The following GTF3C1 variants were observed in gnomAD, a reference collection of about 807,000 sequenced individuals.
GTF3C1 encodes general transcription factor IIIC subunit 1.
In GTF3C1, 57 loss-of-function variants were observed where a neutral mutation model predicts 226.7. That is an observed-to-expected ratio of 0.25 (90% confidence interval 0.20 to 0.31). GTF3C1 has a LOEUF of 0.31. GTF3C1 is among the 10% of genes least tolerant of loss of function. The pLI, the probability that GTF3C1 is intolerant of heterozygous loss-of-function variation, is 1.00. For synonymous variants in GTF3C1, 1,090 were observed against 1,084.8 expected (o/e 1.00, Z -0.09); for missense variants, 2,217 against 2,776.1 (o/e 0.80, Z 4.53).
chr16:27,505,201 C>T (rs1471828813), intron 10 of GTF3C1, among the ~76,000 whole-genome samples: 4 of 152,240 alleles, frequency 2.6e-5, no homozygotes, highest in African/African-American at 9.6e-5. Context: ...ACTGGTTTGA[C>T]TTCACTGTGT....
rs1369107267 is a variant in GTF3C1 at position 27,508,623 on chromosome 16, C to T, written c.1159G>A (p.Ala387Thr). 4 of 1,614,084 alleles carry T rather than the reference C, an allele frequency of 2.5e-6. No homozygotes were observed. Among genetic ancestry groups the T allele is most frequent in the Non-Finnish European group, 3.4e-6 (4 of 1,180,006 alleles). Residue 387 changes from alanine to threonine, a missense_variant, in exon 8 of 37, where the codon GCT (alanine) becomes ACT (threonine). Coordinates refer to ENST00000356183, the MANE Select transcript of GTF3C1 (RefSeq NM_001520.4). ...ACATTCATAGCCACTCGGATTTCAG[C>T]TTGGGAAATTCCTTTCGTGCCTCTG... is the stretch of plus-strand genomic sequence containing the variant. ...ERRGTKGISQ[A>T]EIRVAMNVGK...
At position 27,463,786 on chromosome 16, in the gene GTF3C1, C is replaced by T. The variant is rs1052904668; in HGVS notation, c.5873-194G>A. On this transcript the variant is annotated intron_variant, in intron 34 of 36. Coordinates refer to ENST00000356183, the MANE Select transcript of GTF3C1 (RefSeq NM_001520.4). This position sits in a 1 kb window ranked among gnomAD's most constrained non-coding sequence, Gnocchi z 4.9. ...TGGCAGGGCCGGGCAGACTGCCGCA[C>T]ACAGCGCCACATGCAAGCAGCGTCC... 1 of 616,642 alleles carries T rather than the reference C, an allele frequency of 1.6e-6. No homozygotes were observed. The highest frequency in any genetic ancestry group is 1.9e-5 in the South Asian group (1 of 53,064). The allele number at this position is 616,642 out of a possible 1,614,324, so 38.2% of individuals were successfully genotyped here.
Position 27,463,272 on chromosome 16 carries a change from C to T in GTF3C1, c.5924+269G>A. 1 of 499,676 alleles carries T rather than the reference C, an allele frequency of 2.0e-6. No individual in the cohort carries two copies. Among genetic ancestry groups the T allele is most frequent in the Non-Finnish European group, 3.5e-6 (1 of 283,618 alleles). 31.0% of individuals were successfully genotyped at this position (499,676 alleles called of 1,614,324 possible). On this transcript the variant is annotated intron_variant, in intron 35 of 36. Coordinates refer to ENST00000356183, the MANE Select transcript of GTF3C1 (RefSeq NM_001520.4). This position sits in a 1 kb window ranked among gnomAD's most constrained non-coding sequence, Gnocchi z 4.9. ...TGAGGAGCCAGTGAAGCACAGCTGA[C>T]AGCACCAGGCATGGTTCTCCACCAG...
intron 3 of GTF3C1, 81 bp from the exon 4 acceptor site, chr16:27,538,008 C>T: frequency 6.8e-7 from 1 of 1,471,250 alleles, no homozygotes; most frequent in Non-Finnish European, 9.3e-7. Flanking sequence ...GACATAAACA[C>T]CAGAGACACA....
intron 6 of GTF3C1, among the ~76,000 whole-genome samples, chr16:27,520,247 T>C (rs987824699): frequency 6.6e-6 from 1 of 152,160 alleles, no homozygotes; most frequent in Non-Finnish European, 1.5e-5. Context: ...CCTGAGTAGC[T>C]GGGATTACAG....
chr16:27,483,812 T>G (rs1396540436), intron 25 of GTF3C1, among the ~76,000 whole-genome samples: 1 of 152,178 alleles, frequency 6.6e-6, no homozygotes, highest in Admixed American at 6.5e-5. Flanking sequence ...CCTAGCTTGC[T>G]GCTGGAGGGA....
rs776399746 is a variant in GTF3C1, at chr16:27,501,393, G to A, written c.1908-49C>T. 6 of 1,567,690 alleles carry A rather than the reference G, an allele frequency of 3.8e-6. No homozygotes were observed. In the Middle Eastern group the frequency reaches 1.0e-3, roughly 263 times the overall value. On this transcript the variant is annotated intron_variant, in intron 11 of 36. Coordinates refer to ENST00000356183, the MANE Select transcript of GTF3C1 (RefSeq NM_001520.4). Reference sequence around the variant, plus strand: ...TAACACTCCCAATCTCAACATGGAAGGCCTTCCTCAACCCAGGCAACACAG... The same window carrying A: ...TAACACTCCCAATCTCAACATGGAAAGCCTTCCTCAACCCAGGCAACACAG...
chr16:27,485,260 A>G (rs1567392086), intron 24 of GTF3C1, among the ~76,000 whole-genome samples: 1 of 152,202 alleles, frequency 6.6e-6, no homozygotes, highest in East Asian at 1.9e-4. Context: ...CCGGAGGCAC[A>G]CCCGGGCTCC....
chr16:27,530,201 T>C (rs1261361886), intron 5 of GTF3C1, among the ~76,000 whole-genome samples: 1 of 152,174 alleles, frequency 6.6e-6, no homozygotes, highest in Non-Finnish European at 1.5e-5. Context: ...TAACCAGCAC[T>C]CCAGCCCTTG....
intron 7 of GTF3C1, among the ~76,000 whole-genome samples, chr16:27,510,657 G>T (rs2088559105): frequency 6.6e-6 from 1 of 152,202 alleles, no homozygotes; most frequent in African/African-American, 2.4e-5. Context: ...CCTCCAGAAA[G>T]GTTGGGCCGA....
At position 27,528,593 on chromosome 16, in the gene GTF3C1, A is replaced by G; in HGVS notation, c.973+5T>C. 1.2e-6 allele frequency: 2 copies of G among 1,611,106 alleles called. No individual in the cohort carries two copies. Among genetic ancestry groups the G allele is most frequent in the Non-Finnish European group, 1.7e-6 (2 of 1,177,488 alleles). ...AAGGGAACAGAAGCTGAGACTCTGC[A>G]TTACCTTTCTTTGTCTTACAAGGTC... On this transcript the variant is annotated splice_donor_5th_base_variant and intron_variant, in intron 6 of 36. Transcript: ENST00000356183.
intron 1 of GTF3C1, among the ~76,000 whole-genome samples, chr16:27,546,081 CGG>C (rs1438362787): frequency 6.6e-6 from 1 of 152,078 alleles, no homozygotes; most frequent in Non-Finnish European, 1.5e-5. Context: ...CTCCTGACCT[CGG>C]TGATCCACCC....
rs746242489 is a variant in GTF3C1, at chr16:27,489,776, G to A, written c.3152-33C>T. 8.3e-5 allele frequency: 132 copies of A among 1,598,120 alleles called. No homozygotes were observed. The South Asian group carries it at 9.4e-4, about 11-fold the overall frequency. ...ACCAAACATCAGGGTGACCAATCAC[G>A]CCTTCCTGCTGCAGCTCTGGTGGCT... On this transcript the variant is annotated intron_variant, in intron 19 of 36. Coordinates refer to ENST00000356183, the MANE Select transcript of GTF3C1 (RefSeq NM_001520.4).
At chr16:27,472,077 TGTGA>T (rs748785592) in intron 29 of GTF3C1, among the ~76,000 whole-genome samples, 157 bp from the exon 30 acceptor site, 40 of 152,044 alleles carry the variant, frequency 2.6e-4, no homozygotes, top group Admixed American at 5.9e-4. Context: ...TGAGTGTGTG[TGTGA>T]GTGTGTGTAT....
chr16:27,536,598 G>T (rs1013944520), intron 4 of GTF3C1, among the ~76,000 whole-genome samples: 5 of 152,150 alleles, frequency 3.3e-5, no homozygotes, highest in African/African-American at 1.2e-4. Flanking sequence ...AAGAGTCTAC[G>T]CACATGTGTC....
chr16:27,486,321 GC>G (rs2088137716), intron 23 of GTF3C1, among the ~76,000 whole-genome samples, 167 bp from the exon 24 acceptor site: 2 of 152,160 alleles, frequency 1.3e-5, no homozygotes, highest in South Asian at 4.1e-4. Flanking sequence ...AAAAGACCCA[GC>G]CCCTTCTGAT....
rs780862480 is a variant in GTF3C1, at chr16:27,508,489, T to G, written c.1242+51A>C. 4 of 1,363,322 alleles carry G rather than the reference T, an allele frequency of 2.9e-6. No homozygotes were observed. In the Admixed American group the frequency reaches 5.1e-5, roughly 17 times the overall value. The allele number at this position is 1,363,322 out of a possible 1,614,324, so 84.5% of individuals were successfully genotyped here. A position where few individuals can be genotyped will look rare whatever the true frequency, so the allele number is the denominator to read the frequency against. ...CTGAGATGCTCGTTCTCAAATACAC[T>G]GCAAGCACCTCCAAAGACAACGAGT... On this transcript the variant is annotated intron_variant, in intron 8 of 36. Transcript: ENST00000356183.
At chr16:27,537,274 T>A (rs2089014646) in intron 4 of GTF3C1, among the ~76,000 whole-genome samples, 1 of 152,238 alleles carries the variant, frequency 6.6e-6, no homozygotes, top group African/African-American at 2.4e-5. Flanking sequence ...TTGTTAGCTG[T>A]GAAGCTACAG....
At chr16:27,484,122 T>C in intron 25 of GTF3C1, 89 bp downstream of exon 25, 1 of 982,628 alleles carries the variant, frequency 1.0e-6, no homozygotes. Flanking sequence ...GACACCTCAG[T>C]GTGCTCCAGC....
Sources: allele counts gnomAD v4.1 joint callset (sites outside exome capture counted in the v4.1 genomes callset), GRCh38; gene constraint gnomAD v4.1.1; non-coding constraint Gnocchi (gnomAD v3.1); transcripts MANE v1.5; gene names NCBI Gene and HGNC (gene_info 2026-07-23, HGNC 2026-07-21).